Variants in FRAS1 observed in about 807,000 individuals in gnomAD.
The protein encoded by FRAS1 is extracellular matrix organizing protein FRAS1.
FRAS1 carries 290 observed loss-of-function variants against 435.2 expected under a neutral mutation model. The ratio of observed to expected loss-of-function variants is 0.67; its 90% CI spans 0.61 to 0.73. The LOEUF is 0.73. Among genes scored for constraint, FRAS1 ranks in the 30% least tolerant of loss-of-function variants. FRAS1 has a pLI of 0.00. For synonymous variants in FRAS1, 1,800 were observed against 1,851.0 expected, an observed-to-expected ratio of 0.97 and a Z score of 0.71; for missense variants, 4,860 against 5,001.5, an observed-to-expected ratio of 0.97 and a Z score of 0.85.
intron 2 of FRAS1, among the ~76,000 whole-genome samples, chr4:78,126,044 G>C (rs985244615): frequency 1.3e-5 from 2 of 152,152 alleles, no homozygotes; most frequent in African/African-American, 4.8e-5. Context: ...CACCCAGTTC[G>C]AGCTTCCCTG....
In FRAS1 at chr4:78,526,344, C is replaced by A. The variant is rs550769820; in HGVS notation, c.10809-197C>A. 1.8e-4 allele frequency among the ~76,000 whole-genome samples: 27 copies of A among 152,318 alleles called. No homozygotes were observed. The South Asian group carries it at 5.2e-3, about 29-fold the overall frequency. ...AATACATGAAAGTAGCTCTATTTAA[C>A]ACCTCTGGATAATACTCTGAAGGTT... is the stretch of plus-strand genomic sequence containing the variant. On this transcript the variant is annotated intron_variant, in intron 69 of 73. Transcript: ENST00000512123.
chr4:78,338,868 C>T (rs1730287316), intron 20 of FRAS1, among the ~76,000 whole-genome samples: 1 of 152,140 alleles, frequency 6.6e-6, no homozygotes, highest in Non-Finnish European at 1.5e-5. Flanking sequence ...GTCCAGGTGA[C>T]CCATTTATTT....
chr4:78,393,935 G>C (rs1398966629), intron 29 of FRAS1, among the ~76,000 whole-genome samples: 1 of 151,872 alleles, frequency 6.6e-6, no homozygotes, highest in Admixed American at 6.6e-5. Context: ...ATCCTGACAA[G>C]TGTGAGGTAG....
chr4:78,326,450 G>C (rs779999034), intron 18 of FRAS1, among the ~76,000 whole-genome samples: 68 of 152,242 alleles, frequency 4.5e-4, no homozygotes, highest in Non-Finnish European at 3.7e-4. Flanking sequence ...AGGGGAGTAG[G>C]ATGTGGGGTT....
chr4:78,356,511 C>G (rs1730863235), intron 20 of FRAS1, among the ~76,000 whole-genome samples: 1 of 152,160 alleles, frequency 6.6e-6, no homozygotes, highest in African/African-American at 2.4e-5. Context: ...TCTTCCTTCT[C>G]AAGGATCTCC....
In FRAS1 at chr4:78,126,991, C is replaced by T. The variant is rs1011770523; in HGVS notation, c.108+60975C>T. Among the ~76,000 whole-genome samples the T allele has an allele frequency of 4.6e-5, 7 of 152,310 alleles. No homozygotes were observed. In the East Asian group the frequency reaches 5.8e-4, roughly 13 times the overall value. On this transcript the variant is annotated intron_variant, in intron 2 of 73. Transcript: ENST00000512123. ...TGAATTTAGAAAATATTTATTAAGC[C>T]TCTAGTATGTGCCCAGCTTTGTACT...
intron 54 of FRAS1, among the ~76,000 whole-genome samples, chr4:78,476,344 G>A (rs1719852542): frequency 6.6e-6 from 1 of 152,056 alleles, no homozygotes; most frequent in Non-Finnish European, 1.5e-5. Context: ...GTGGCAATGA[G>A]AAAGAAAAAG....
chr4:78,100,896 T>C (rs1226444780), intron 2 of FRAS1, among the ~76,000 whole-genome samples: 4 of 152,194 alleles, frequency 2.6e-5, no homozygotes, highest in Non-Finnish European at 4.4e-5. Flanking sequence ...TGGGAACTTT[T>C]GTTGAGAAAT....
At chr4:78,099,882 G>T (rs530722716) in intron 2 of FRAS1, among the ~76,000 whole-genome samples, 2 of 152,294 alleles carry the variant, frequency 1.3e-5, no homozygotes, top group East Asian at 3.9e-4. Context: ...GTGTAGCATT[G>T]TAGTCACCTT....
At chr4:78,328,965 C>T (rs893638209) in intron 18 of FRAS1, among the ~76,000 whole-genome samples, 4 of 152,116 alleles carry the variant, frequency 2.6e-5, no homozygotes, top group African/African-American at 9.7e-5. Context: ...TATGATACTC[C>T]CCATTCTGAG....
chr4:78,435,206 G>C (rs1734368829), intron 38 of FRAS1, among the ~76,000 whole-genome samples: 1 of 152,148 alleles, frequency 6.6e-6, no homozygotes, highest in South Asian at 2.1e-4. Context: ...AGTGAGCCTT[G>C]ATTGGACCAC....
intron 20 of FRAS1, among the ~76,000 whole-genome samples, chr4:78,355,882 G>T (rs929209131): frequency 6.6e-6 from 1 of 152,200 alleles, no homozygotes; most frequent in Non-Finnish European, 1.5e-5. Flanking sequence ...GTTTCTGACA[G>T]ATGTGCTTCT....
chr4:78,335,903 G>GT (rs3086784), intron 19 of FRAS1, among the ~76,000 whole-genome samples: 50,911 of 134,886 alleles, frequency 0.38, 9,786 homozygotes, highest in Non-Finnish European at 0.44. Context: ...GTGTGTGGTG[G>GT]TTTTTTTTTT....
intron 33 of FRAS1, among the ~76,000 whole-genome samples, chr4:78,420,880 A>ATATATG (rs1491137609): frequency 1.2e-3 from 4 of 3,464 alleles, no homozygotes; most frequent in African/African-American, 6.4e-3. Flanking sequence ...CTAATAGGAC[A>ATATATG]TATATATATA....
At chr4:78,237,686 T>C in intron 3 of FRAS1, 69 bp downstream of exon 3, 1 of 771,566 alleles carries the variant, frequency 1.3e-6, no homozygotes, top group Admixed American at 3.0e-5. Flanking sequence ...TTGGATCATT[T>C]CAGACATCTG....
intron 2 of FRAS1, among the ~76,000 whole-genome samples, chr4:78,083,632 T>TTTTTG (rs1553917268): frequency 6.7e-6 from 1 of 150,152 alleles, no homozygotes; most frequent in African/African-American, 2.5e-5. Flanking sequence ...TTCTGTTTTT[T>TTTTTG]TTTTTTTTTT....
At chr4:78,302,447 G>A (rs1728460213) in intron 14 of FRAS1, among the ~76,000 whole-genome samples, 1 of 151,964 alleles carries the variant, frequency 6.6e-6, no homozygotes, top group South Asian at 2.1e-4. Context: ...TTCCACAATG[G>A]GTGAACTAGT....
At chr4:78,372,576 C>G in intron 23 of FRAS1, 142 bp from the exon 24 acceptor site, 1 of 975,328 alleles carries the variant, frequency 1.0e-6, no homozygotes. Context: ...AAGTGGAAAC[C>G]TCATTTGAGC....
intron 2 of FRAS1, among the ~76,000 whole-genome samples, chr4:78,100,903 A>G (rs1742092025): frequency 6.6e-6 from 1 of 152,172 alleles, no homozygotes; most frequent in Admixed American, 6.5e-5. Context: ...TTTTGTTGAG[A>G]AATCTTGGCC....
Sources: gnomAD v4.1 joint callset for allele counts (sites outside exome capture counted in the v4.1 genomes callset) on GRCh38, gnomAD v4.1.1 for gene constraint, MANE v1.5 for transcripts, NCBI Gene and HGNC (gene_info 2026-07-23, HGNC 2026-07-21) for gene names.